The following PHEX variants were observed in gnomAD, a reference collection of about 807,000 sequenced individuals.
The protein encoded by PHEX is phosphate-regulating neutral endopeptidase PHEX.
In PHEX, 16 loss-of-function variants were observed where a neutral mutation model predicts 68.0. The observed-to-expected ratio is 0.24, with a 90% CI of 0.16 to 0.36. PHEX has a LOEUF of 0.36. Ranked by LOEUF, PHEX falls within the 10% of genes least tolerant of loss-of-function variation. The probability of loss-of-function intolerance (pLI) is 1.00; values close to 1 mark genes in which losing one functional copy is unlikely to be tolerated. For synonymous variants in PHEX, 208 were observed against 205.1 expected, an observed-to-expected ratio of 1.01 and a Z score of -0.12; for missense variants, 480 against 575.5, an observed-to-expected ratio of 0.83 and a Z score of 1.70.
chrX:22,048,230 A>G (rs977771719), intron 3 of PHEX, among the ~76,000 whole-genome samples: 1 of 111,817 alleles, frequency 8.9e-6, no homozygotes, highest in Non-Finnish European at 1.9e-5. Context: ...TATATTTTCT[A>G]TTAGGAGACC....
At chrX:22,046,563 C>CTT (rs529373663) in intron 2 of PHEX, among the ~76,000 whole-genome samples, 44 of 76,988 alleles carry the variant, frequency 5.7e-4, no homozygotes, top group East Asian at 1.2e-3. Context: ...TATCCATTCC[C>CTT]TTTTTTTTTT....
intron 2 of PHEX, among the ~76,000 whole-genome samples, chrX:22,038,898 T>C (rs1927146956): frequency 8.9e-6 from 1 of 111,792 alleles, no homozygotes; most frequent in Admixed American, 9.5e-5. Flanking sequence ...TATCTTCTGG[T>C]CTGTGGGTCT....
intron 9 of PHEX, among the ~76,000 whole-genome samples, chrX:22,104,625 C>A (rs1930592295): frequency 8.9e-6 from 1 of 111,834 alleles, no homozygotes; most frequent in Non-Finnish European, 1.9e-5. Context: ...CAGTTGGCAA[C>A]CTTTACTAGC....
At chrX:22,164,062 C>T (rs1030624476) in intron 12 of PHEX, among the ~76,000 whole-genome samples, 1 of 111,697 alleles carries the variant, frequency 9.0e-6, no homozygotes, top group African/African-American at 3.3e-5. Context: ...CTGCTGTCTG[C>T]AGATGCCCAC....
chrX:22,249,455 A>ATATATATATATATAT lies in PHEX; in HGVS notation c.*1502_*1503insTATATATATATATAT, dbSNP rs1555900710. The ATATATATATATATAT allele has an allele frequency of 7.0e-4, 28 of 39,744 alleles. No homozygotes were observed. The highest frequency in any genetic ancestry group is 2.8e-3 in the African/African-American group (17 of 6,003). The allele number at this position is 39,744 out of a possible 1,213,427, so 3.3% of individuals were successfully genotyped here. A position where few individuals can be genotyped will look rare whatever the true frequency, so the allele number is the denominator to read the frequency against. ...TTGTGATTCTTTTAAAAAAAAAAAAAATATATATATATATATATATATATA... is the reference window on the plus strand; with the variant it reads ...TTGTGATTCTTTTAAAAAAAAAAAAATATATATATATATATATATATATATATATATATATATATA... On this transcript the variant is annotated 3_prime_UTR_variant, in exon 22 of 22. Transcript: ENST00000379374.
At chrX:22,236,951 G>GAGAT (rs1231991314) in intron 20 of PHEX, among the ~76,000 whole-genome samples, 11 of 112,312 alleles carry the variant, frequency 9.8e-5, no homozygotes, top group East Asian at 5.5e-4. Flanking sequence ...GTAAACTAAA[G>GAGAT]AGATAGATAG....
chrX:22,166,389 C>T (rs1226045135), intron 12 of PHEX, among the ~76,000 whole-genome samples: 1 of 111,486 alleles, frequency 9.0e-6, no homozygotes, highest in Non-Finnish European at 1.9e-5. Flanking sequence ...ATTTTCTGTT[C>T]TCCATCCTCA....
intron 3 of PHEX, among the ~76,000 whole-genome samples, chrX:22,049,897 AT>A (rs985674816): frequency 3.6e-5 from 4 of 111,607 alleles, no homozygotes; most frequent in Non-Finnish European, 5.7e-5. Flanking sequence ...AGGTCTTTAT[AT>A]TTTTTTGATG....
At chrX:22,073,635 GTTTTTTTTTTTT>G (rs1182752837) in intron 3 of PHEX, among the ~76,000 whole-genome samples, 15 of 53,214 alleles carry the variant, frequency 2.8e-4, no homozygotes, top group Admixed American at 2.4e-3. Flanking sequence ...CTGTGCTATA[GTTTTTTTTTTTT>G]TTTTTTTTTT....
chrX:22,117,906 T>A (rs780642322), intron 11 of PHEX, among the ~76,000 whole-genome samples: 1 of 110,502 alleles, frequency 9.0e-6, no homozygotes, highest in Non-Finnish European at 1.9e-5. Context: ...CCTTTTTTTT[T>A]ACAGGGCTCC....
intron 10 of PHEX, 49 bp downstream of exon 10, chrX:22,111,609 C>T: frequency 1.1e-6 from 1 of 893,759 alleles, no homozygotes; most frequent in Non-Finnish European, 1.7e-6. Flanking sequence ...ACTTTACATG[C>T]TGGAATAGTC....
Position 22,041,168 on chromosome X carries a change from G to T in PHEX, c.187+2631G>T, listed in dbSNP as rs903321949. ...CTTAGGTGAAAGAGCTTGTAAATTC[G>T]GAGACCTTATACAAAGGTAGTGGCT... On this transcript the variant is annotated intron_variant, in intron 2 of 21. Transcript: ENST00000379374. 3.8e-5 allele frequency among the ~76,000 whole-genome samples: 4 copies of T among 106,317 alleles called. No homozygotes were observed. In the South Asian group the frequency reaches 1.3e-3, roughly 34 times the overall value. The allele number at this position is 106,317 out of a possible 115,157, so 92.3% of individuals were successfully genotyped here.
At chrX:22,083,620 G>T (rs918936801) in intron 5 of PHEX, among the ~76,000 whole-genome samples, 3 of 111,765 alleles carry the variant, frequency 2.7e-5, no homozygotes, top group East Asian at 5.6e-4. Flanking sequence ...TATTGTAAAT[G>T]ATATTGTTTA....
intron 14 of PHEX, among the ~76,000 whole-genome samples, chrX:22,185,944 C>T (rs1167717747): frequency 9.1e-6 from 1 of 110,319 alleles, no homozygotes; most frequent in Admixed American, 9.6e-5. Flanking sequence ...TTAGTACAGA[C>T]AGCATTTCAC....
At chrX:22,176,625 G>A (rs1352475735) in intron 13 of PHEX, among the ~76,000 whole-genome samples, 4 of 109,240 alleles carry the variant, frequency 3.7e-5, no homozygotes, top group East Asian at 2.9e-4. Context: ...CTTCCTCTGC[G>A]TCTATCTCCA....
At chrX:22,132,873 G>GT (rs1324894732) in intron 11 of PHEX, among the ~76,000 whole-genome samples, 2 of 105,448 alleles carry the variant, frequency 1.9e-5, no homozygotes, top group African/African-American at 3.6e-5. Flanking sequence ...GGAAAGAAAT[G>GT]GTTTTTTTTT....
chrX:22,067,167 A>G (rs1928641567), intron 3 of PHEX, among the ~76,000 whole-genome samples: 1 of 110,251 alleles, frequency 9.1e-6, no homozygotes, highest in South Asian at 4.0e-4. Flanking sequence ...GCTTGAGCCC[A>G]AGAGGCGGAA....
At chrX:22,050,594 CA>C (rs1414273572) in intron 3 of PHEX, among the ~76,000 whole-genome samples, 1 of 93,104 alleles carries the variant, frequency 1.1e-5, no homozygotes, top group African/African-American at 4.0e-5. Context: ...AAAAAAAAAA[CA>C]GAACGGTGTT....
intron 12 of PHEX, among the ~76,000 whole-genome samples, chrX:22,137,286 T>C (rs1169609829): frequency 9.0e-6 from 1 of 111,652 alleles, no homozygotes; most frequent in East Asian, 2.8e-4. Flanking sequence ...GTTTGTGCTC[T>C]TTGCCCCTGG....
Sources: gnomAD v4.1 joint callset for allele counts (sites outside exome capture counted in the v4.1 genomes callset) on GRCh38, gnomAD v4.1.1 for gene constraint, MANE v1.5 for transcripts, NCBI Gene and HGNC (gene_info 2026-07-23, HGNC 2026-07-21) for gene names.